Variants in MRE11 observed in about 807,000 individuals in gnomAD.
MRE11 encodes double-strand break repair protein MRE11.
In MRE11, 62 loss-of-function variants were observed where a neutral mutation model predicts 91.7. The ratio of observed to expected loss-of-function variants is 0.68; its 90% confidence interval spans 0.55 to 0.84. The LOEUF (loss-of-function observed/expected upper bound fraction) is 0.84. Ranked by LOEUF, MRE11 falls within the 40% of genes least tolerant of loss-of-function variation. The probability of loss-of-function intolerance (pLI) is 0.00; values close to 1 mark genes in which losing one functional copy is unlikely to be tolerated. For missense variants in MRE11, 796 were observed against 852.9 expected, an observed-to-expected ratio of 0.93 and a Z score of 0.83; for synonymous variants, 273 against 271.4, an observed-to-expected ratio of 1.01 and a Z score of -0.06.
At chr11:94,457,604 T>C (rs996179470) in intron 13 of MRE11, among the ~76,000 whole-genome samples, 3 of 152,004 alleles carry the variant, frequency 2.0e-5, no homozygotes, top group African/African-American at 7.3e-5. Context: ...AGAAGAGAAA[T>C]GAGAGTCAGA....
At chr11:94,490,238 AC>A (rs1302078216) in intron 3 of MRE11, among the ~76,000 whole-genome samples, 1 of 152,134 alleles carries the variant, frequency 6.6e-6, no homozygotes, top group East Asian at 1.9e-4. Flanking sequence ...AGCCAAATTG[AC>A]TACAGGGCCC....
At chr11:94,466,515 G>T in intron 10 of MRE11, 1 of 531,276 alleles carries the variant, frequency 1.9e-6, no homozygotes. Context: ...TGGTGCACAA[G>T]TAACTGCAGT....
intron 9 of MRE11, among the ~76,000 whole-genome samples, chr11:94,469,590 C>T (rs956316487): frequency 6.6e-6 from 1 of 152,064 alleles, no homozygotes; most frequent in Non-Finnish European, 1.5e-5. Context: ...TTGAAACAAG[C>T]GTACACTTTT....
rs776642337 is a variant in MRE11, at chr11:94,485,947, C to T, written c.291G>A (p.Gln97=). 4.3e-6 allele frequency: 7 copies of T among 1,613,168 alleles called. No individual in the cohort carries two copies. In the East Asian group the frequency reaches 1.1e-4, roughly 26 times the overall value. The part of the protein sequence containing the change: ...RPVQFEILSD[Q]SVNFGFSKFP... The stretch of plus-strand genomic sequence containing the variant: ...ACTTACTAAAACCAAAGTTGACTGA[C>T]TGATCACTGAGAATTTCAAACTGGA... The change falls in exon 4 of 20, where the codon CAG becomes CAA. Residue 97 remains glutamine (Q), a synonymous_variant. Coordinates refer to ENST00000323929, the MANE Select transcript of MRE11 (RefSeq NM_005591.4).
intron 6 of MRE11, among the ~76,000 whole-genome samples, chr11:94,477,227 A>G (rs1946885728): frequency 6.6e-6 from 1 of 152,150 alleles, no homozygotes; most frequent in African/African-American, 2.4e-5. Flanking sequence ...ACATTATAAC[A>G]TGTGCAGAAA....
At chr11:94,440,200 G>A (rs1316870804) in intron 16 of MRE11, among the ~76,000 whole-genome samples, 3 of 152,102 alleles carry the variant, frequency 2.0e-5, no homozygotes, top group Non-Finnish European at 4.4e-5. Flanking sequence ...TATTTACATA[G>A]CCTCTTTTCA....
At chr11:94,499,194 C>T in the MRE11 span, 1 of 153,076 alleles carries the variant, frequency 6.5e-6, no homozygotes, top group Non-Finnish European at 1.5e-5. Flanking sequence ...AGTCCTACCT[C>T]ACCCTGGTCA....
chr11:94,508,115 T>C, the MRE11 span, among the ~76,000 whole-genome samples: 1 of 151,840 alleles, frequency 6.6e-6, no homozygotes, highest in East Asian at 1.9e-4. Context: ...GACTACTAAT[T>C]CATGTATTTG....
Position 94,445,800 on chromosome 11 carries a change from C to A in MRE11, c.1867+10G>T. 6.3e-7 allele frequency: 1 copy of A among 1,589,366 alleles called. No individual in the cohort carries two copies. Among genetic ancestry groups the A allele is most frequent in the South Asian group, 1.1e-5 (1 of 90,594 alleles). ...GAATTTATAAATAATCACTTGCAGT[C>A]TATACTCACCATCTATAATAGACAT... On this transcript the variant is annotated intron_variant, in intron 16 of 19. Transcript: ENST00000323929.
chr11:94,451,539 C>A (rs1276003217), intron 14 of MRE11, among the ~76,000 whole-genome samples: 1 of 152,038 alleles, frequency 6.6e-6, no homozygotes, highest in Non-Finnish European at 1.5e-5. Flanking sequence ...AAGAAAATTA[C>A]AGAATCTTAT....
chr11:94,493,198 C>A (rs560171481), intron 1 of MRE11, among the ~76,000 whole-genome samples: 1 of 152,272 alleles, frequency 6.6e-6, no homozygotes, highest in East Asian at 1.9e-4. Context: ...CAGAAAGGGT[C>A]ACATACGGTT....
intron 4 of MRE11, among the ~76,000 whole-genome samples, chr11:94,482,137 CAAT>C (rs760598865): frequency 6.6e-6 from 1 of 152,148 alleles, no homozygotes; most frequent in Admixed American, 6.5e-5. Flanking sequence ...ATGTTAAGAA[CAAT>C]GAGAAAATCT....
At chr11:94,433,032 G>A (rs922945381) in intron 18 of MRE11, among the ~76,000 whole-genome samples, 1 of 152,144 alleles carries the variant, frequency 6.6e-6, no homozygotes, top group African/African-American at 2.4e-5. Context: ...AAATGCTCCA[G>A]CAAGAAACCA....
chr11:94,431,560 G>A (rs952871966), intron 18 of MRE11, among the ~76,000 whole-genome samples: 2 of 152,202 alleles, frequency 1.3e-5, no homozygotes, highest in African/African-American at 4.8e-5. Context: ...GGTCAGAGAA[G>A]TTAGTTACCA....
chr11:94,437,194 T>C lies in MRE11; in HGVS notation c.1909A>G (p.Thr637Ala), dbSNP rs757139661. 1.9e-6 allele frequency: 3 copies of C among 1,612,898 alleles called. No individual in the cohort carries two copies. The highest frequency in any genetic ancestry group is 2.2e-5 in the South Asian group (2 of 90,934). Residue 637 changes from threonine (T) to alanine (A), a missense_variant, in exon 17 of 20, where the codon ACT becomes GCT. Thr to Ala is a moderately conservative substitution (Grantham distance 58). Coordinates refer to ENST00000323929, the MANE Select transcript of MRE11 (RefSeq NM_005591.4). ...TRQQPSRNVT[T>A]KNYSEVIEVD... The stretch of plus-strand genomic sequence containing the variant: ...TTTCTTACCTCTGAATAATTCTTAG[T>C]AGTGACATTTCGGGAAGGCTGCTGT...
chr11:94,478,103 A>G (rs1238125131), intron 6 of MRE11, among the ~76,000 whole-genome samples: 1 of 152,138 alleles, frequency 6.6e-6, no homozygotes, highest in African/African-American at 2.4e-5. Context: ...AGAACAGGAT[A>G]AGATAAGAGT....
At chr11:94,471,854 AT>A in intron 7 of MRE11, 95 bp from the exon 8 acceptor site, 1 of 953,886 alleles carries the variant, frequency 1.0e-6, no homozygotes, top group Non-Finnish European at 1.6e-6. Flanking sequence ...TTCACTAAAG[AT>A]TTTATTGCAT....
rs114842536 is a variant in MRE11 at position 94,465,374 on chromosome 11, C to T, written c.1099-1135G>A. ...CTTAAAGTAATTATTTTTGTATTAC[C>T]CAGACCATCTCTCTCTCTCTCTTTT... On this transcript the variant is annotated intron_variant, in intron 10 of 19. Transcript: ENST00000323929. Among the ~76,000 whole-genome samples the T allele has an allele frequency of 5.6e-3, 842 of 151,120 alleles. 5 individuals are homozygous for T. The highest frequency in any genetic ancestry group is 0.019 in the African/African-American group (761 of 41,096).
At chr11:94,504,515 A>C in the MRE11 span, among the ~76,000 whole-genome samples, 1 of 152,246 alleles carries the variant, frequency 6.6e-6, no homozygotes. Flanking sequence ...TAATTAGTCC[A>C]TTTGGCAGGA....
Sources: allele counts gnomAD v4.1 joint callset (sites outside exome capture counted in the v4.1 genomes callset), GRCh38; gene constraint gnomAD v4.1.1; transcripts MANE v1.5; gene names NCBI Gene and HGNC (gene_info 2026-07-23, HGNC 2026-07-21).